PEAR1: variants seen among roughly 807,000 people sequenced by gnomAD.
PEAR1 encodes the protein platelet endothelial aggregation receptor 1.
Under a neutral mutation model 131.2 loss-of-function variants are expected in PEAR1, and 113 were observed. The ratio of observed to expected loss-of-function variants is 0.86; its 90% CI spans 0.74 to 1.01. PEAR1 has a LOEUF of 1.01. PEAR1 is among the 50% of genes least tolerant of loss of function. The probability of loss-of-function intolerance (pLI) is 0.00; values close to 1 mark genes in which losing one functional copy is unlikely to be tolerated. For synonymous variants in PEAR1, 565 were observed against 523.3 expected (o/e 1.08, Z -1.09); for missense variants, 1,408 against 1,391.1 (o/e 1.01, Z -0.19).
At chr1:156,910,145 G>C in intron 13 of PEAR1, 37 bp downstream of exon 13, 1 of 1,613,922 alleles carries the variant, frequency 6.2e-7, no homozygotes, top group Non-Finnish European at 8.5e-7. Flanking sequence ...CTGTGGATTG[G>C]GGGATGCATC....
At chr1:156,899,891 G>T (rs192386675) in intron 1 of PEAR1, among the ~76,000 whole-genome samples, 43 of 152,244 alleles carry the variant, frequency 2.8e-4, no homozygotes, top group Admixed American at 4.6e-4. Flanking sequence ...AAGGGAGCCC[G>T]TGGGGAAGTC....
Position 156,910,428 on chromosome 1 carries a change from G to A in PEAR1, c.1825+48G>A, listed in dbSNP as rs776939444. ...CCACCTGCCACCAGCAGGGGGCAGT[G>A]TAGTGTCAGCTGCCAGAGCACCCCT... On this transcript the variant is annotated intron_variant, in intron 14 of 22. Coordinates refer to ENST00000292357, the MANE Select transcript of PEAR1 (RefSeq NM_001080471.3). The A allele has an allele frequency of 1.3e-5, 20 of 1,554,258 alleles. No homozygotes were observed. The Admixed American group carries it at 3.7e-4, about 29-fold the overall frequency.
In PEAR1 at chr1:156,910,674, T is replaced by A; in HGVS notation, c.1882T>A (p.Ser628Thr). 6.8e-6 allele frequency: 11 copies of A among 1,613,918 alleles called. No homozygotes were observed. The highest frequency in any genetic ancestry group is 8.5e-6 in the Non-Finnish European group (10 of 1,179,946). The change falls in exon 15 of 23, where the codon TCC becomes ACC. Residue 628 changes from serine to threonine, a missense_variant. Transcript: ENST00000292357. ...RCVPCKCANH[S>T]FCHPSNGTCY... ...TGTGCCCTGCAAGTGCGCTAACCAC[T>A]CCTTCTGCCACCCCTCGAACGGGAC...
Position 156,908,187 on chromosome 1 carries a change from G to A in PEAR1, c.962G>A (p.Cys321Tyr), listed in dbSNP as rs1398864017. 3.1e-6 allele frequency: 5 copies of A among 1,603,432 alleles called. No individual in the cohort carries two copies. The highest frequency in any genetic ancestry group is 4.2e-6 in the Non-Finnish European group (5 of 1,179,048). Residue 321 changes from cysteine (C) to tyrosine (Y), a missense_variant, in exon 9 of 23, where the codon TGC (cysteine) becomes TAC (tyrosine). Transcript: ENST00000292357. The surrounding 1 kb of genome is among the most constrained non-coding windows in gnomAD (Gnocchi z 4.2). ...CAGGACTGTGCTGAGACGTGCGACT[G>A]CGCCCCGGACGCCCGTTGCTTCCCG... ...FGQDCAETCDCAPDARCFPAN... is the reference protein window; with the variant it reads ...FGQDCAETCDYAPDARCFPAN...
intron 2 of PEAR1, 61 bp downstream of exon 2, chr1:156,904,088 G>A (rs1297317145): frequency 1.5e-6 from 2 of 1,367,384 alleles, no homozygotes; most frequent in East Asian, 4.6e-5. Context: ...TGTCCCTATT[G>A]TCCCTACTGG....
In PEAR1 at chr1:156,906,333, G is replaced by A; in HGVS notation, c.365G>A (p.Cys122Tyr). ...GRCVAPNQCQCVPGWRGDDCS... is the reference protein window; with the variant it reads ...GRCVAPNQCQYVPGWRGDDCS... The stretch of plus-strand genomic sequence containing the variant: ...TGTGTGGCACCCAATCAGTGCCAAT[G>A]TGTGCCAGGCTGGCGGGGCGACGAC... The change falls in exon 5 of 23, where the codon TGT becomes TAT. Residue 122 changes from cysteine to tyrosine, a missense_variant. Coordinates refer to ENST00000292357, the MANE Select transcript of PEAR1 (RefSeq NM_001080471.3). 6.2e-7 allele frequency: 1 copy of A among 1,614,252 alleles called. No homozygotes were observed. Among genetic ancestry groups the A allele is most frequent in the Non-Finnish European group, 8.5e-7 (1 of 1,180,046 alleles).
In PEAR1 at chr1:156,905,331, T is replaced by C; in HGVS notation, c.214T>C (p.Tyr72His). 1 of 1,611,886 alleles carries C rather than the reference T, an allele frequency of 6.2e-7. No homozygotes were observed. The highest frequency in any genetic ancestry group is 8.5e-7 in the Non-Finnish European group (1 of 1,179,620). The part of the protein sequence containing the change: ...PHTCPQPTVV[Y>H]RTVYRQVVKT... ...CCTTCCTGGCCTCCGCAGGGTTGTATACCGGACCGTGTACCGTCAGGTGGT... is the reference window on the plus strand; with the variant it reads ...CCTTCCTGGCCTCCGCAGGGTTGTACACCGGACCGTGTACCGTCAGGTGGT... The change falls in exon 4 of 23, where the codon TAC becomes CAC. Residue 72 changes from tyrosine (Y) to histidine (H), a missense_variant. Coordinates refer to ENST00000292357, the MANE Select transcript of PEAR1 (RefSeq NM_001080471.3).
At chr1:156,909,145 G>T in intron 11 of PEAR1, 109 bp downstream of exon 11, 2 of 1,417,274 alleles carry the variant, frequency 1.4e-6, no homozygotes, top group East Asian at 4.6e-5. Flanking sequence ...TGCAGGGTAA[G>T]GGTGGAGGGG....
chr1:156,906,779 C>A lies in PEAR1; in HGVS notation c.543C>A (p.Gly181=). The change falls in exon 6 of 23, where the codon GGC becomes GGA. Residue 181 remains glycine, a synonymous_variant. Coordinates refer to ENST00000292357, the MANE Select transcript of PEAR1 (RefSeq NM_001080471.3). ...PPNCLQPCTP[G]YYGPACQFRC... ...ACTGCCTTCAGCCCTGTACCCCTGGCTACTATGGCCCTGCCTGCCAGTTCC... is the reference window on the plus strand; with the variant it reads ...ACTGCCTTCAGCCCTGTACCCCTGGATACTATGGCCCTGCCTGCCAGTTCC... The A allele has an allele frequency of 6.2e-7, 1 of 1,614,244 alleles. No homozygotes were observed. Among genetic ancestry groups the A allele is most frequent in the Non-Finnish European group, 8.5e-7 (1 of 1,180,056 alleles).
chr1:156,905,066 T>A, intron 3 of PEAR1: 1 of 1,334,066 alleles, frequency 7.5e-7, no homozygotes, highest in Non-Finnish European at 1.0e-6. Flanking sequence ...CATGTTACAG[T>A]ATATGCCTGT....
intron 1 of PEAR1, among the ~76,000 whole-genome samples, chr1:156,900,257 C>G (rs560683980): frequency 6.6e-6 from 1 of 152,236 alleles, no homozygotes; most frequent in South Asian, 2.1e-4. Flanking sequence ...TCAGCTCATT[C>G]TTGACTGTAA....
chr1:156,908,068 G>T lies in PEAR1; in HGVS notation c.902+17G>T. 1 of 1,570,558 alleles carries T rather than the reference G, an allele frequency of 6.4e-7. No homozygotes were observed. The highest frequency in any genetic ancestry group is 8.6e-7 in the Non-Finnish European group (1 of 1,156,922). ...TGGGGATCGGTGAGTGGCGTGGGGCGGGCGGGAGACGGGAGGGAGGAGGTG... is the reference window on the plus strand; with the variant it reads ...TGGGGATCGGTGAGTGGCGTGGGGCTGGCGGGAGACGGGAGGGAGGAGGTG... On this transcript the variant is annotated intron_variant, in intron 8 of 22. Transcript: ENST00000292357. This position sits in a 1 kb window ranked among gnomAD's most constrained non-coding sequence, Gnocchi z 4.2.
At position 156,909,014 on chromosome 1, in the gene PEAR1, C is replaced by G. The variant is rs757050087; in HGVS notation, c.1389C>G (p.Asp463Glu). 1.4e-5 allele frequency: 22 copies of G among 1,613,902 alleles called. No individual in the cohort carries two copies. In the Admixed American group the frequency reaches 1.8e-4, roughly 13 times the overall value. The change falls in exon 11 of 23, where the codon GAC becomes GAG. Residue 463 changes from aspartate to glutamate, a missense_variant. Transcript: ENST00000292357. ...CENAIACSPIDGECVCKEGWQ... is the reference protein window; with the variant it reads ...CENAIACSPIEGECVCKEGWQ... ...ATGCCATCGCCTGCTCACCCATCGA[C>G]GGCGAGTGCGTCTGCAAGGAAGGTA...
rs1450770696 is a variant in PEAR1 at position 156,912,490 on chromosome 1, C to CTGGGGA, written c.2081-4_2081-3insTGGGGA. The CTGGGGA allele has an allele frequency of 1.2e-6, 2 of 1,611,654 alleles. No individual in the cohort carries two copies. Among genetic ancestry groups the CTGGGGA allele is most frequent in the African/African-American group, 2.7e-5 (2 of 74,836 alleles). ...CCGGCCTGCCTCCTTGGCTGTCTCC[C>CTGGGGA]CAGGCTGCCCTCTGGGGACATTTGG... On this transcript the variant is annotated splice_region_variant and splice_polypyrimidine_tract_variant and intron_variant, in intron 16 of 22. Coordinates refer to ENST00000292357, the MANE Select transcript of PEAR1 (RefSeq NM_001080471.3).
intron 1 of PEAR1, among the ~76,000 whole-genome samples, chr1:156,898,363 T>C (rs940932599): frequency 6.6e-6 from 1 of 152,094 alleles, no homozygotes; most frequent in African/African-American, 2.4e-5. Context: ...CCCTCACCCC[T>C]GCCCCTTTCC....
chr1:156,908,479 GA>G lies in PEAR1; in HGVS notation c.1115+140del. ...GAAAGGGAGGGACCTCAGGGGCCGG[GA>G]GGGGCCTGGGGTACCGCTACTTGCC... On this transcript the variant is annotated intron_variant, in intron 9 of 22. Coordinates refer to ENST00000292357, the MANE Select transcript of PEAR1 (RefSeq NM_001080471.3). The surrounding 1 kb of genome is among the most constrained non-coding windows in gnomAD (Gnocchi z 4.2). 4 of 1,242,448 alleles carry G rather than the reference GA, an allele frequency of 3.2e-6. No individual in the cohort carries two copies. The South Asian group carries it at 6.3e-5, about 20-fold the overall frequency. 77.0% of individuals were successfully genotyped at this position (1,242,448 alleles called of 1,614,324 possible).
Position 156,914,974 on chromosome 1 carries a change from C to A in PEAR1, c.*176C>A. The A allele has an allele frequency of 1.5e-6, 1 of 679,950 alleles. No individual in the cohort carries two copies. Among genetic ancestry groups the A allele is most frequent in the Non-Finnish European group, 2.3e-6 (1 of 442,750 alleles). The allele number at this position is 679,950 out of a possible 1,614,324, so 42.1% of individuals were successfully genotyped here. On this transcript the variant is annotated 3_prime_UTR_variant, in exon 23 of 23. Coordinates refer to ENST00000292357, the MANE Select transcript of PEAR1 (RefSeq NM_001080471.3). ...TGTTCCTGGGTTCTACCATGGGAGA[C>A]GCTGATCAGCAGGATGCCTGGCTCC... is the stretch of plus-strand genomic sequence containing the variant.
intron 22 of PEAR1, among the ~76,000 whole-genome samples, 196 bp from the exon 23 acceptor site, chr1:156,914,451 T>G (rs1156296165): frequency 2.0e-5 from 3 of 152,144 alleles, no homozygotes; most frequent in Non-Finnish European, 2.9e-5. Context: ...CTTTCTCCAT[T>G]GGCAGCTGAG....
At chr1:156,907,396 G>A (rs1650453828) in intron 6 of PEAR1, among the ~76,000 whole-genome samples, 1 of 152,128 alleles carries the variant, frequency 6.6e-6, no homozygotes, top group African/African-American at 2.4e-5. Context: ...TGCCACCCGT[G>A]GCTCTTTGCT....
Sources: gnomAD v4.1 joint callset for allele counts (sites outside exome capture counted in the v4.1 genomes callset) on GRCh38, gnomAD v4.1.1 for gene constraint, Gnocchi (gnomAD v3.1) non-coding constraint, MANE v1.5 for transcripts, NCBI Gene and HGNC (gene_info 2026-07-23, HGNC 2026-07-21) for gene names.